GTF3C1: variants seen among roughly 807,000 people sequenced by gnomAD.
The protein encoded by GTF3C1 is general transcription factor IIIC subunit 1, also known as general transcription factor 3C polypeptide 1.
Under a neutral mutation model 226.7 loss-of-function variants are expected in GTF3C1, and 57 were observed. The ratio of observed to expected loss-of-function variants is 0.25; its 90% CI spans 0.20 to 0.31. GTF3C1 has a LOEUF of 0.31. Ranked by LOEUF, GTF3C1 falls within the 10% of genes least tolerant of loss-of-function variation. The pLI, the probability that GTF3C1 is intolerant of heterozygous loss-of-function variation, is 1.00. For synonymous variants in GTF3C1, 1,090 were observed against 1,084.8 expected (o/e 1.00, Z -0.09); for missense variants, 2,217 against 2,776.1 (o/e 0.80, Z 4.53).
At chr16:27,527,714 A>G (rs2088854096) in intron 6 of GTF3C1, among the ~76,000 whole-genome samples, 1 of 152,198 alleles carries the variant, frequency 6.6e-6, no homozygotes, top group Admixed American at 6.5e-5. Flanking sequence ...CTAAAGAATG[A>G]TAAGTGGCTG....
At position 27,471,835 on chromosome 16, in the gene GTF3C1, C is replaced by T. The variant is rs142225966; in HGVS notation, c.4439G>A (p.Arg1480His). 28 of 1,613,696 alleles carry T rather than the reference C, an allele frequency of 1.7e-5. No homozygotes were observed. Among genetic ancestry groups the T allele is most frequent in the South Asian group, 2.2e-5 (2 of 91,070 alleles). ...ECQKRSLVNRRRVNHTLGPKK... is the reference protein window; with the variant it reads ...ECQKRSLVNRHRVNHTLGPKK... ...GGGGCCCAGCGTGTGGTTGACCCGG[C>T]GCCGGTTGACCAAGCTCCTCTTCTG... Residue 1480 changes from arginine (R) to histidine (H), a missense_variant, in exon 30 of 37, where the codon CGC becomes CAC. Arg to His is a conservative substitution (Grantham distance 29). Around this residue, in one of 12 missense-constraint regions of GTF3C1, gnomAD observed 546 missense variants for 663.0 expected, o/e 0.82. Transcript: ENST00000356183. The surrounding 1 kb of genome is among the most constrained non-coding windows in gnomAD (Gnocchi z 5.0).
In GTF3C1 at chr16:27,471,830, C is replaced by T. The variant is rs776505673; in HGVS notation, c.4444G>A (p.Val1482Ile). Residue 1482 changes from valine (V) to isoleucine (I), a missense_variant, in exon 30 of 37, where the codon GTC becomes ATC. By Grantham distance (29) the Val-to-Ile change is conservative (BLOSUM62 3). This residue lies in a region of GTF3C1 where 546 missense variants were observed against 663.0 expected (regional missense o/e 0.82). Coordinates refer to ENST00000356183, the MANE Select transcript of GTF3C1 (RefSeq NM_001520.4). The surrounding 1 kb of genome is among the most constrained non-coding windows in gnomAD (Gnocchi z 5.0). ...TTCTTGGGGCCCAGCGTGTGGTTGA[C>T]CCGGCGCCGGTTGACCAAGCTCCTC... Reference protein sequence around the residue: ...QKRSLVNRRRVNHTLGPKKNR... With the variant: ...QKRSLVNRRRINHTLGPKKNR... 2 of 1,614,078 alleles carry T rather than the reference C, an allele frequency of 1.2e-6. No individual in the cohort carries two copies. Among genetic ancestry groups the T allele is most frequent in the South Asian group, 2.2e-5 (2 of 91,076 alleles).
At chr16:27,518,067 GAACA>G (rs1241120378) in intron 6 of GTF3C1, among the ~76,000 whole-genome samples, 1 of 152,170 alleles carries the variant, frequency 6.6e-6, no homozygotes, top group African/African-American at 2.4e-5. Flanking sequence ...AGCAAGTTGG[GAACA>G]AACGAACCCC....
rs980370198 is a variant in GTF3C1 at position 27,537,864 on chromosome 16, C to T, written c.672G>A (p.Met224Ile). ...KILNKNGLIT[M>I]QSHVIRLPTG... is the part of the protein sequence containing the mutation. The stretch of plus-strand genomic sequence containing the variant: ...TGGGTAATCGGATCACATGGGACTG[C>T]ATTGTAATCAGCCCGTTTTTGTTCA... The change falls in exon 4 of 37, where the codon ATG (methionine) becomes ATA (isoleucine). Residue 224 changes from methionine (M) to isoleucine (I), a missense_variant. Met to Ile is a conservative substitution (Grantham distance 10). Around this residue, in one of 12 missense-constraint regions of GTF3C1, gnomAD observed 163 missense variants for 234.3 expected, o/e 0.70. Transcript: ENST00000356183. 1 of 1,612,930 alleles carries T rather than the reference C, an allele frequency of 6.2e-7. No homozygotes were observed. The highest frequency in any genetic ancestry group is 8.5e-7 in the Non-Finnish European group (1 of 1,178,882).
chr16:27,496,854 C>T (rs375735708), intron 14 of GTF3C1, among the ~76,000 whole-genome samples: 2 of 152,362 alleles, frequency 1.3e-5, no homozygotes, highest in African/African-American at 4.8e-5. Context: ...GAGGAACACC[C>T]GCGCTGCCCC....
At chr16:27,489,533 G>A (rs1770572422) in intron 20 of GTF3C1, 69 bp downstream of exon 20, 5 of 1,253,016 alleles carry the variant, frequency 4.0e-6, no homozygotes, top group Non-Finnish European at 4.5e-6. Context: ...AGACAAGGGC[G>A]GGCAGGCATC....
At chr16:27,515,220 AG>A in intron 6 of GTF3C1, among the ~76,000 whole-genome samples, 1 of 152,286 alleles carries the variant, frequency 6.6e-6, no homozygotes, top group East Asian at 1.9e-4. Context: ...CGAGGTGGGC[AG>A]ATCATTTGAG....
In GTF3C1 at chr16:27,462,511, G is replaced by C; in HGVS notation, c.5925-25C>G. ...CCTGCAGGGAGAGGGCTTGACATCA[G>C]GGCTTGGTGGGGGCAGGAGGGCAGC... On this transcript the variant is annotated intron_variant, in intron 35 of 36. Transcript: ENST00000356183. The surrounding 1 kb of genome is among the most constrained non-coding windows in gnomAD (Gnocchi z 4.5). The C allele has an allele frequency of 6.3e-7, 1 of 1,582,230 alleles. No individual in the cohort carries two copies. Among genetic ancestry groups the C allele is most frequent in the East Asian group, 2.2e-5 (1 of 44,630 alleles).
intron 29 of GTF3C1, among the ~76,000 whole-genome samples, chr16:27,474,504 T>C (rs2087924475): frequency 1.3e-5 from 2 of 152,140 alleles, no homozygotes; most frequent in Non-Finnish European, 2.9e-5. Context: ...ATCAGCAGGA[T>C]AGCTGGAAGG....
At chr16:27,518,821 C>T (rs771828207) in intron 6 of GTF3C1, among the ~76,000 whole-genome samples, 7 of 152,170 alleles carry the variant, frequency 4.6e-5, no homozygotes, top group Non-Finnish European at 1.0e-4. Context: ...CTCTCTGAGC[C>T]TCAAGTTCTT....
At chr16:27,527,113 A>G (rs371139726) in intron 6 of GTF3C1, among the ~76,000 whole-genome samples, 23 of 152,352 alleles carry the variant, frequency 1.5e-4, no homozygotes, top group African/African-American at 3.6e-4. Flanking sequence ...AGGCTGAGGC[A>G]AGAGGATTAG....
At position 27,533,669 on chromosome 16, in the gene GTF3C1, C is replaced by G. The variant is rs543479326; in HGVS notation, c.753-282G>C. ...TTGCATGACATGATTCTGTAAAACA[C>G]CTTTCATTTTTACAATACTTTTAAG... On this transcript the variant is annotated intron_variant, in intron 4 of 36. Coordinates refer to ENST00000356183, the MANE Select transcript of GTF3C1 (RefSeq NM_001520.4). Among the ~76,000 whole-genome samples the G allele has an allele frequency of 6.6e-5, 10 of 152,276 alleles. No individual in the cohort carries two copies. In the South Asian group the frequency reaches 1.9e-3, roughly 28 times the overall value.
chr16:27,538,408 A>G (rs773360140), intron 2 of GTF3C1, 52 bp from the exon 3 acceptor site: 1 of 1,094,914 alleles, frequency 9.1e-7, no homozygotes, highest in Non-Finnish European at 1.3e-6. Context: ...GATTTTAGGA[A>G]AACTGAGATA....
At chr16:27,528,206 CAG>C (rs1268111164) in intron 6 of GTF3C1, among the ~76,000 whole-genome samples, 1 of 152,044 alleles carries the variant, frequency 6.6e-6, no homozygotes, top group African/African-American at 2.4e-5. Flanking sequence ...ACCCGAAAGG[CAG>C]AGGTTGTAGT....
In GTF3C1 at chr16:27,465,295, C is replaced by G. The variant is rs1183032403; in HGVS notation, c.5320G>C (p.Gly1774Arg). ...RRFSALEKAGGGRTRTFADCI... is the reference protein window; with the variant it reads ...RRFSALEKAGRGRTRTFADCI... ...TCTGCGAATGTCCTGGTGCGCCCAC[C>G]ACCTGCCTTCTCCAAGGCCGAGAAC... The change falls in exon 33 of 37, where the codon GGT becomes CGT. Residue 1774 changes from glycine to arginine, a missense_variant. Physicochemically the swap from Gly to Arg is moderately radical, Grantham distance 125 (BLOSUM62 -2). Transcript: ENST00000356183. 1.9e-6 allele frequency: 3 copies of G among 1,614,078 alleles called. No homozygotes were observed. The African/African-American group carries it at 4.0e-5, about 22-fold the overall frequency.
At chr16:27,493,795 G>A (rs959373171) in intron 16 of GTF3C1, among the ~76,000 whole-genome samples, 2 of 152,034 alleles carry the variant, frequency 1.3e-5, no homozygotes, top group African/African-American at 4.8e-5. Context: ...AAATATTATG[G>A]TTAAATAAAT....
intron 6 of GTF3C1, among the ~76,000 whole-genome samples, chr16:27,522,125 T>A (rs907463897): frequency 2.0e-5 from 3 of 152,264 alleles, no homozygotes; most frequent in Admixed American, 6.5e-5. Flanking sequence ...TATTGAGATA[T>A]AATTTGCATA....
At chr16:27,498,387 T>C (rs1337023159) in intron 13 of GTF3C1, among the ~76,000 whole-genome samples, 6 of 152,206 alleles carry the variant, frequency 3.9e-5, no homozygotes, top group Non-Finnish European at 8.8e-5. Context: ...CAGAGGCCTA[T>C]GATGGGGAGT....
At chr16:27,464,194 A>G (rs1596610390) in intron 34 of GTF3C1, 126 bp downstream of exon 34, 2 of 538,568 alleles carry the variant, frequency 3.7e-6, no homozygotes, top group African/African-American at 2.0e-5. Context: ...GAGAAGCTGA[A>G]GTCAAGCCCC....
Sources: gnomAD v4.1 joint callset for allele counts (sites outside exome capture counted in the v4.1 genomes callset) on GRCh38, gnomAD v4.1.1 for gene constraint, gnomAD v4.1.1 regional missense constraint, Gnocchi (gnomAD v3.1) non-coding constraint, MANE v1.5 for transcripts, NCBI Gene and HGNC (gene_info 2026-07-23, HGNC 2026-07-21) for gene names.